The following CHAT variants were observed in gnomAD, a reference collection of about 807,000 sequenced individuals.
CHAT encodes acetyl CoA:choline O-acetyltransferase.
Under a neutral mutation model 76.9 loss-of-function variants are expected in CHAT, and 61 were observed. The ratio of observed to expected loss-of-function variants is 0.79; its 90% confidence interval spans 0.65 to 0.98. The LOEUF is 0.98. CHAT is among the 50% of genes least tolerant of loss of function. CHAT has a pLI of 0.00. For synonymous variants in CHAT, 407 were observed against 397.4 expected (o/e 1.02, Z -0.29); for missense variants, 946 against 986.9 (o/e 0.96, Z 0.56).
rs555034447 is a variant in CHAT, at chr10:49,629,949, C to T, written c.1111+2164C>T. ...GTGAAGATGGAGAGACCAGTGACGT[C>T]AAGGCCATTGAAAGCGAGAACAATT... On this transcript the variant is annotated intron_variant, in intron 7 of 14. Coordinates refer to ENST00000337653, the MANE Select transcript of CHAT (RefSeq NM_020549.5). Among the ~76,000 whole-genome samples the T allele has an allele frequency of 2.0e-5, 3 of 152,274 alleles. No homozygotes were observed. In the South Asian group the frequency reaches 6.2e-4, roughly 32 times the overall value.
At chr10:49,623,337 C>CG (rs1159165592) in intron 5 of CHAT, among the ~76,000 whole-genome samples, 1 of 152,158 alleles carries the variant, frequency 6.6e-6, no homozygotes, top group Non-Finnish European at 1.5e-5. Flanking sequence ...CACACAGACA[C>CG]GAATACCCAT....
upstream of CHAT, chr10:49,611,741 CCTTCGTGCCT>C: frequency 6.2e-7 from 1 of 1,604,796 alleles, no homozygotes; most frequent in South Asian, 1.1e-5. Flanking sequence ...TGGCTGCCGG[CCTTCGTGCCT>C]CATGTGCTGG....
chr10:49,664,890 C>T lies in CHAT; in HGVS notation c.2091C>T (p.His697=). The T allele has an allele frequency of 6.2e-7, 1 of 1,614,242 alleles. No homozygotes were observed. The highest frequency in any genetic ancestry group is 8.5e-7 in the Non-Finnish European group (1 of 1,180,046). The change falls in exon 15 of 15, where the codon CAC becomes CAT. Residue 697 remains histidine, a synonymous_variant. Transcript: ENST00000337653. The part of the protein sequence containing the change: ...ETILFCISSF[H]SCKETSSSKF... ...TCCTTTTCTGCATCTCTAGCTTTCA[C>T]AGCTGCAAAGAGACTTCTTCTAGCA...
chr10:49,629,474 AC>A (rs1457248998), intron 7 of CHAT, among the ~76,000 whole-genome samples: 1 of 152,142 alleles, frequency 6.6e-6, no homozygotes, highest in African/African-American at 2.4e-5. Flanking sequence ...CCCTCGGGAG[AC>A]CATGGTGTAA....
Position 49,651,447 on chromosome 10 carries a change from A to G in CHAT, c.1512-437A>G, listed in dbSNP as rs143994244. On this transcript the variant is annotated intron_variant, in intron 10 of 14. Coordinates refer to ENST00000337653, the MANE Select transcript of CHAT (RefSeq NM_020549.5). Reference sequence around the variant, plus strand: ...CCAGTGGGCAGTCAGCTCAGACCCCAGACTCCTGATGGAGGAGGAGATTGT... The same window carrying G: ...CCAGTGGGCAGTCAGCTCAGACCCCGGACTCCTGATGGAGGAGGAGATTGT... 5.1e-3 allele frequency among the ~76,000 whole-genome samples: 775 copies of G among 152,330 alleles called. 7 individuals are homozygous for G. Among genetic ancestry groups the G allele is most frequent in the African/African-American group, 0.018 (741 of 41,578 alleles).
intron 14 of CHAT, 63 bp from the exon 15 acceptor site, chr10:49,664,714 C>T: frequency 6.2e-7 from 1 of 1,605,428 alleles, no homozygotes. Flanking sequence ...AGAAGCCAAG[C>T]CCAGTCGAGG....
In CHAT at chr10:49,619,924, G is replaced by C; in HGVS notation, c.579+8G>C. On this transcript the variant is annotated splice_region_variant and intron_variant, in intron 3 of 14. Coordinates refer to ENST00000337653, the MANE Select transcript of CHAT (RefSeq NM_020549.5). ...GAGAAGACAGCCAACTGGGTAAGAG[G>C]GGCAGACAAGGAACCCATAGAAGAG... 1 of 1,608,494 alleles carries C rather than the reference G, an allele frequency of 6.2e-7. No homozygotes were observed. The highest frequency in any genetic ancestry group is 8.5e-7 in the Non-Finnish European group (1 of 1,178,030).
At chr10:49,634,343 A>C (rs1839226508) in intron 7 of CHAT, among the ~76,000 whole-genome samples, 1 of 152,216 alleles carries the variant, frequency 6.6e-6, no homozygotes, top group African/African-American at 2.4e-5. Context: ...TGGCACACAG[A>C]GGGTGTTGGC....
At chr10:49,653,410 T>A (rs1839940337) in intron 11 of CHAT, among the ~76,000 whole-genome samples, 1 of 140,192 alleles carries the variant, frequency 7.1e-6, no homozygotes, top group Non-Finnish European at 1.6e-5. Flanking sequence ...CTATGAACGG[T>A]AAAGCTCTGC....
chr10:49,649,670 C>T, intron 10 of CHAT, 34 bp downstream of exon 10: 1 of 1,612,818 alleles, frequency 6.2e-7, no homozygotes. Flanking sequence ...TGAGGGGTCC[C>T]CTAGGGACCA....
Position 49,646,568 on chromosome 10 carries a change from C to T in CHAT, c.1175C>T (p.Ala392Val), listed in dbSNP as rs114932900. 9.6e-5 allele frequency: 155 copies of T among 1,614,222 alleles called. No individual in the cohort carries two copies. The highest frequency in any genetic ancestry group is 1.2e-4 in the Non-Finnish European group (139 of 1,180,028). The stretch of plus-strand genomic sequence containing the variant: ...TGCATCTGCCTTGTATGCCTGGACG[C>T]GCCAGGAGGCGTGGAGCTCAGCGAC... ...ERCICLVCLD[A>V]PGGVELSDTH... The change falls in exon 8 of 15, where the codon GCG becomes GTG. Residue 392 changes from alanine (A) to valine (V), a missense_variant. Physicochemically the swap from Ala to Val is moderately conservative, Grantham distance 64. Around this residue, in one of 3 missense-constraint regions of CHAT, gnomAD observed 49 missense variants for 76.7 expected, o/e 0.64. Transcript: ENST00000337653.
intron 4 of CHAT, among the ~76,000 whole-genome samples, chr10:49,621,828 T>C (rs980926717): frequency 6.6e-6 from 1 of 152,006 alleles, no homozygotes; most frequent in African/African-American, 2.4e-5. Context: ...ATCCAAGGCT[T>C]GTGGTGGGCT....
rs1712156802 is a variant in CHAT at position 49,666,768 on chromosome 10, G to A, written c.*1722G>A. Among the ~76,000 whole-genome samples the A allele has an allele frequency of 6.6e-6, 1 of 152,208 alleles. No individual in the cohort carries two copies. Among genetic ancestry groups the A allele is most frequent in the African/African-American group, 2.4e-5 (1 of 41,450 alleles). ...ACATACAAACTTAAGTCATTGGCCT[G>A]AGATTTATGCTCCTTCCCTCCCACG... is the stretch of plus-strand genomic sequence containing the variant. On this transcript the variant is annotated 3_prime_UTR_variant, in exon 15 of 15. Transcript: ENST00000337653.
At chr10:49,646,271 G>A (rs1430131051) in intron 7 of CHAT, among the ~76,000 whole-genome samples, 1 of 152,230 alleles carries the variant, frequency 6.6e-6, no homozygotes, top group Non-Finnish European at 1.5e-5. Context: ...CAGGGCTCCT[G>A]CAGGGACCGT....
upstream of CHAT, chr10:49,610,899 C>G (rs550120542): frequency 2.5e-6 from 4 of 1,612,944 alleles, no homozygotes; most frequent in Admixed American, 1.7e-5. Flanking sequence ...ACATGGTCAT[C>G]GTGCCCATAG....
At chr10:49,646,423 C>A in intron 7 of CHAT, 82 bp from the exon 8 acceptor site, 1 of 1,525,676 alleles carries the variant, frequency 6.6e-7, no homozygotes, top group Non-Finnish European at 9.0e-7. Context: ...GACAGGGCTG[C>A]CCTGCCCTGT....
Position 49,655,054 on chromosome 10 carries a change from G to T in CHAT, c.1635-41G>T, listed in dbSNP as rs199522003. 2.7e-4 allele frequency: 439 copies of T among 1,612,206 alleles called. No homozygotes were observed. In the African/African-American group the frequency reaches 5.5e-3, roughly 20 times the overall value. On this transcript the variant is annotated intron_variant, in intron 11 of 14. Coordinates refer to ENST00000337653, the MANE Select transcript of CHAT (RefSeq NM_020549.5). Reference sequence around the variant, plus strand: ...TCTTTCCGAGTTTATGATTTCCCAAGAATAAATTACCATGTGCCATTCATC... The same window carrying T: ...TCTTTCCGAGTTTATGATTTCCCAATAATAAATTACCATGTGCCATTCATC...
At chr10:49,653,774 G>A (rs964809939) in intron 11 of CHAT, among the ~76,000 whole-genome samples, 20 of 152,246 alleles carry the variant, frequency 1.3e-4, no homozygotes, top group African/African-American at 3.6e-4. Context: ...GAGATAGGCC[G>A]TGAGGTCAGC....
intron 13 of CHAT, among the ~76,000 whole-genome samples, chr10:49,657,650 A>G (rs559015509): frequency 4.6e-4 from 70 of 152,332 alleles, no homozygotes; most frequent in Middle Eastern, 6.8e-3. Context: ...AAGTCTTACT[A>G]CTTTCTTCTT....
Sources: allele counts gnomAD v4.1 joint callset (sites outside exome capture counted in the v4.1 genomes callset), GRCh38; gene constraint gnomAD v4.1.1; regional missense constraint gnomAD v4.1.1; transcripts MANE v1.5; gene names NCBI Gene and HGNC (gene_info 2026-07-23, HGNC 2026-07-21).